Variants in PLXNA4 observed in about 807,000 individuals in gnomAD.
PLXNA4 encodes plexin-A4.
Under a neutral mutation model 191.8 loss-of-function variants are expected in PLXNA4, and 44 were observed. The observed-to-expected ratio is 0.23, with a 90% confidence interval of 0.18 to 0.29. The LOEUF is 0.29. PLXNA4 is among the 10% of genes least tolerant of loss of function. The pLI is 1.00. For synonymous variants in PLXNA4, 1,082 were observed against 1,009.5 expected (o/e 1.07, Z -1.36); for missense variants, 1,800 against 2,488.8 (o/e 0.72, Z 5.89).
intron 1 of PLXNA4, among the ~76,000 whole-genome samples, chr7:132,561,946 C>A (rs1216567032): frequency 7.0e-6 from 1 of 142,962 alleles, no homozygotes; most frequent in African/African-American, 2.6e-5. Flanking sequence ...TCCTTACCCT[C>A]CTCTTTCTCC....
At chr7:132,224,251 G>A (rs1005270579) in intron 8 of PLXNA4, among the ~76,000 whole-genome samples, 1 of 152,098 alleles carries the variant, frequency 6.6e-6, no homozygotes, top group African/African-American at 2.4e-5. Flanking sequence ...CGGTATAGAT[G>A]ACCACTGCCC....
At position 132,179,582 on chromosome 7, in the gene PLXNA4, CTTGT is replaced by C. The variant is rs2116731484; in HGVS notation, c.3874+101_3874+104del. 3.4e-6 allele frequency: 5 copies of C among 1,484,776 alleles called. No homozygotes were observed. In the East Asian group the frequency reaches 1.2e-4, roughly 36 times the overall value. The allele number at this position is 1,484,776 out of a possible 1,614,324, so 92.0% of individuals were successfully genotyped here. A position where few individuals can be genotyped will look rare whatever the true frequency, so the allele number is the denominator to read the frequency against. On this transcript the variant is annotated intron_variant, in intron 20 of 31. Transcript: ENST00000321063. The stretch of plus-strand genomic sequence containing the variant: ...GCACTGCCCACTGCTGCCCAGCCTG[CTTGT>C]TTGTATATGAAACATATGCATACAC...
At chr7:132,502,533 GT>G (rs1259073885) in intron 2 of PLXNA4, among the ~76,000 whole-genome samples, 1 of 152,116 alleles carries the variant, frequency 6.6e-6, no homozygotes, top group Non-Finnish European at 1.5e-5. Flanking sequence ...ACTTCCACTG[GT>G]GCTCAGCACT....
chr7:132,574,152 T>C lies in PLXNA4; in HGVS notation c.-87+2270A>G, dbSNP rs558328389. On this transcript the variant is annotated intron_variant, in intron 1 of 31. Transcript: ENST00000321063. ...GATGTTTAGCTTATAACCAGCATAA[T>C]GATACTAGCTTTGCATTAAAATGAT... Among the ~76,000 whole-genome samples, 22 of 152,330 alleles carry C rather than the reference T, an allele frequency of 1.4e-4. No homozygotes were observed. In the South Asian group the frequency reaches 3.9e-3, roughly 27 times the overall value.
At chr7:132,385,335 C>T (rs768734021) in intron 3 of PLXNA4, 6 of 1,580,278 alleles carry the variant, frequency 3.8e-6, no homozygotes, top group Non-Finnish European at 5.1e-6. Flanking sequence ...GACCATGGTG[C>T]ACAAGATATG....
intron 1 of PLXNA4, among the ~76,000 whole-genome samples, chr7:132,517,637 A>G (rs922914823): frequency 2.6e-5 from 4 of 152,190 alleles, no homozygotes; most frequent in African/African-American, 9.6e-5. Context: ...GGCCCTAGGA[A>G]GAGTTCTCTT....
intron 1 of PLXNA4, among the ~76,000 whole-genome samples, chr7:132,553,784 A>C (rs1800669368): frequency 6.6e-6 from 1 of 152,222 alleles, no homozygotes; most frequent in Admixed American, 6.5e-5. Flanking sequence ...CCACTGATCT[A>C]CATGGCTATT....
chr7:132,342,698 G>C (rs1803078015), intron 3 of PLXNA4, among the ~76,000 whole-genome samples: 1 of 152,100 alleles, frequency 6.6e-6, no homozygotes, highest in Non-Finnish European at 1.5e-5. Flanking sequence ...TATAATCCCA[G>C]CACTTAGGGA....
intron 5 of PLXNA4, among the ~76,000 whole-genome samples, chr7:132,232,255 C>T (rs1798549093): frequency 6.6e-6 from 1 of 152,174 alleles, no homozygotes; most frequent in African/African-American, 2.4e-5. Flanking sequence ...AAGCATGTCC[C>T]TCAGCTCCAC....
chr7:132,484,913 C>T (rs1166456733), intron 3 of PLXNA4: 1 of 1,614,186 alleles, frequency 6.2e-7, no homozygotes, highest in Admixed American at 1.7e-5. Context: ...AAGATACACA[C>T]ACAGCATCTG....
chr7:132,587,529 T>G (rs1193171503), intron 2 of PLXNA4, among the ~76,000 whole-genome samples: 1 of 152,216 alleles, frequency 6.6e-6, no homozygotes, highest in Non-Finnish European at 1.5e-5. Flanking sequence ...TCTAGAGGTT[T>G]GAGACGTTTG....
chr7:132,277,281 A>T (rs966075513), intron 4 of PLXNA4, among the ~76,000 whole-genome samples: 8 of 152,164 alleles, frequency 5.3e-5, no homozygotes, highest in African/African-American at 1.7e-4. Flanking sequence ...TTAACTGGTG[A>T]AGAAAGGGTC....
chr7:132,616,902 G>A (rs1257290330), intron 2 of PLXNA4, among the ~76,000 whole-genome samples: 9 of 152,138 alleles, frequency 5.9e-5, no homozygotes, highest in Non-Finnish European at 1.3e-4. Flanking sequence ...AACCCATGAA[G>A]TAAGGAGTGG....
At chr7:132,564,629 C>T (rs1396405795) in intron 1 of PLXNA4, among the ~76,000 whole-genome samples, 1 of 152,216 alleles carries the variant, frequency 6.6e-6, no homozygotes, top group Non-Finnish European at 1.5e-5. Flanking sequence ...TCACATAGTG[C>T]CTAGCACACA....
chr7:132,287,566 C>A (rs1800728491), intron 4 of PLXNA4, among the ~76,000 whole-genome samples: 1 of 152,050 alleles, frequency 6.6e-6, no homozygotes, highest in South Asian at 2.1e-4. Context: ...TGTTCATGAC[C>A]CCCCCCGGAG....
chr7:132,365,493 C>T (rs888781526), intron 3 of PLXNA4, among the ~76,000 whole-genome samples: 1 of 152,112 alleles, frequency 6.6e-6, no homozygotes, highest in African/African-American at 2.4e-5. Flanking sequence ...TTCCTCATCT[C>T]TAAAATAAAA....
At chr7:132,489,970 A>C (rs528056801) in intron 2 of PLXNA4, among the ~76,000 whole-genome samples, 34 of 152,358 alleles carry the variant, frequency 2.2e-4, no homozygotes, top group African/African-American at 8.2e-4. Context: ...GAGCAGACAC[A>C]CACATGAGGA....
chr7:132,486,282 T>C (rs1797555049), intron 3 of PLXNA4, among the ~76,000 whole-genome samples: 1 of 152,220 alleles, frequency 6.6e-6, no homozygotes, highest in Admixed American at 6.5e-5. Context: ...AAGGTGACTG[T>C]GGTCCTGATA....
intron 25 of PLXNA4, among the ~76,000 whole-genome samples, 190 bp from the exon 26 acceptor site, chr7:132,148,836 C>G (rs1278607087): frequency 6.6e-6 from 1 of 152,220 alleles, no homozygotes; most frequent in Non-Finnish European, 1.5e-5. Flanking sequence ...AGTTCTGGTT[C>G]TAAGCCCAAC....
Sources: gnomAD v4.1 joint callset for allele counts (sites outside exome capture counted in the v4.1 genomes callset) on GRCh38, gnomAD v4.1.1 for gene constraint, MANE v1.5 for transcripts, NCBI Gene and HGNC (gene_info 2026-07-23, HGNC 2026-07-21) for gene names.